The following NT5DC1 variants were observed in gnomAD, a reference collection of about 807,000 sequenced individuals.
NT5DC1 encodes 5'-nucleotidase domain-containing protein 1.
In NT5DC1, 42 loss-of-function variants were observed where a neutral mutation model predicts 59.4. The ratio of observed to expected loss-of-function variants is 0.71; its 90% CI spans 0.55 to 0.92. NT5DC1 has a LOEUF of 0.92. Ranked by LOEUF, NT5DC1 falls within the 40% of genes least tolerant of loss-of-function variation. The pLI is 0.00. For missense variants in NT5DC1, 501 were observed against 537.1 expected (o/e 0.93, Z 0.66); for synonymous variants, 172 against 188.1 (o/e 0.91, Z 0.70).
intron 6 of NT5DC1, chr6:116,121,146 C>T (rs759416107): frequency 6.2e-7 from 1 of 1,613,330 alleles, no homozygotes; most frequent in East Asian, 2.2e-5. Context: ...GGCCCTTGTT[C>T]CCCTTTGGCA....
At chr6:116,214,451 T>G (rs1222824047) in intron 6 of NT5DC1, among the ~76,000 whole-genome samples, 1 of 152,120 alleles carries the variant, frequency 6.6e-6, no homozygotes, top group Non-Finnish European at 1.5e-5. Context: ...GTGAGGACCA[T>G]GTTCTGCTAG....
At chr6:116,214,286 A>G (rs1056315099) in intron 6 of NT5DC1, among the ~76,000 whole-genome samples, 2 of 152,112 alleles carry the variant, frequency 1.3e-5, no homozygotes, top group Non-Finnish European at 2.9e-5. Flanking sequence ...CTTTATTCTC[A>G]TATATATCCT....
At chr6:116,239,342 A>T in intron 11 of NT5DC1, among the ~76,000 whole-genome samples, 1 of 152,150 alleles carries the variant, frequency 6.6e-6, no homozygotes, top group Admixed American at 6.5e-5. Context: ...TTGGAGGCAT[A>T]TTATAAAATT....
intron 1 of NT5DC1, among the ~76,000 whole-genome samples, chr6:116,101,357 C>T (rs769719912): frequency 6.6e-6 from 1 of 152,170 alleles, no homozygotes; most frequent in African/African-American, 2.4e-5. Context: ...CTAGGGCTGT[C>T]CTTGAAGATC....
chr6:116,194,869 G>C (rs1440776431), intron 6 of NT5DC1, among the ~76,000 whole-genome samples: 1 of 151,848 alleles, frequency 6.6e-6, no homozygotes, highest in Non-Finnish European at 1.5e-5. Flanking sequence ...TATTTTTATG[G>C]TTTACATTAT....
At chr6:116,151,230 C>T (rs1418257350) in intron 6 of NT5DC1, among the ~76,000 whole-genome samples, 1 of 152,162 alleles carries the variant, frequency 6.6e-6, no homozygotes, top group Non-Finnish European at 1.5e-5. Flanking sequence ...CTTCCAAACC[C>T]CCACATTTTA....
chr6:116,198,806 G>A (rs970101739), intron 6 of NT5DC1, among the ~76,000 whole-genome samples: 1 of 151,876 alleles, frequency 6.6e-6, no homozygotes, highest in Non-Finnish European at 1.5e-5. Context: ...ACCAAAGTGG[G>A]GACTTTTTCT....
At chr6:116,191,449 A>G (rs907134850) in intron 6 of NT5DC1, among the ~76,000 whole-genome samples, 4 of 152,110 alleles carry the variant, frequency 2.6e-5, no homozygotes, top group African/African-American at 9.6e-5. Flanking sequence ...AATGTTTTAC[A>G]GTGTAAGAGG....
chr6:116,127,823 C>T (rs1336639286), intron 6 of NT5DC1, among the ~76,000 whole-genome samples: 1 of 152,124 alleles, frequency 6.6e-6, no homozygotes, highest in Admixed American at 6.5e-5. Context: ...GTTCAGAAGA[C>T]TAATTCTCAG....
chr6:116,179,106 T>G (rs1780817118), intron 6 of NT5DC1, among the ~76,000 whole-genome samples: 1 of 152,220 alleles, frequency 6.6e-6, no homozygotes, highest in Non-Finnish European at 1.5e-5. Context: ...TAAGTAGAGA[T>G]ATTTAGCTTC....
intron 11 of NT5DC1, among the ~76,000 whole-genome samples, chr6:116,241,739 C>A (rs911039734): frequency 5.3e-5 from 8 of 151,510 alleles, no homozygotes; most frequent in African/African-American, 1.9e-4. Flanking sequence ...CTGGCTAACA[C>A]GGTGAAACCC....
At chr6:116,172,221 GTA>G (rs1780625067) in intron 6 of NT5DC1, among the ~76,000 whole-genome samples, 1 of 150,106 alleles carries the variant, frequency 6.7e-6, no homozygotes. Flanking sequence ...CTTTTACATA[GTA>G]TATAATAAGT....
rs572937757 is a variant in NT5DC1, at chr6:116,147,752, T to C, written c.529+29807T>C. Among the ~76,000 whole-genome samples, 6 of 152,304 alleles carry C rather than the reference T, an allele frequency of 3.9e-5. No homozygotes were observed. The East Asian group carries it at 1.2e-3, about 29-fold the overall frequency. ...TATCTCTAAGAATTTATATTACAGA[T>C]ACGGTTGCATGTGTGCAAATGATGT... On this transcript the variant is annotated intron_variant, in intron 6 of 11. Coordinates refer to ENST00000319550, the MANE Select transcript of NT5DC1 (RefSeq NM_152729.3).
intron 6 of NT5DC1, among the ~76,000 whole-genome samples, chr6:116,153,639 A>G (rs1489647081): frequency 6.6e-6 from 1 of 152,120 alleles, no homozygotes; most frequent in Non-Finnish European, 1.5e-5. Flanking sequence ...AGAAATAGAA[A>G]AGTTGCATAT....
At chr6:116,176,477 C>T (rs536355656) in intron 6 of NT5DC1, among the ~76,000 whole-genome samples, 1 of 152,292 alleles carries the variant, frequency 6.6e-6, no homozygotes, top group South Asian at 2.1e-4. Context: ...CTCCCTGTGA[C>T]AGTTGAATAC....
chr6:116,174,531 A>G (rs1042650658), intron 6 of NT5DC1, among the ~76,000 whole-genome samples: 4 of 152,236 alleles, frequency 2.6e-5, no homozygotes, highest in Non-Finnish European at 5.9e-5. Context: ...GCCAATGTTA[A>G]GTGAATAAAA....
chr6:116,179,443 A>G (rs1164928882), intron 6 of NT5DC1, among the ~76,000 whole-genome samples: 1 of 151,782 alleles, frequency 6.6e-6, no homozygotes, highest in African/African-American at 2.4e-5. Flanking sequence ...AAATCAGCAG[A>G]AAAAAAACAA....
rs936791083 is a variant in NT5DC1, at chr6:116,245,490, A to T, written c.*1466A>T. 2 of 152,502 alleles carry T rather than the reference A, an allele frequency of 1.3e-5. No homozygotes were observed. Among genetic ancestry groups the T allele is most frequent in the African/African-American group, 4.8e-5 (2 of 41,398 alleles). 9.4% of individuals were successfully genotyped at this position (152,502 alleles called of 1,614,324 possible). A position where few individuals can be genotyped will look rare whatever the true frequency, so the allele number is the denominator to read the frequency against. ...AAAACAAACAAAAAAAATCACTGAA[A>T]TTTTTCCCTCACAGTCAGTAGCTTT... On this transcript the variant is annotated 3_prime_UTR_variant, in exon 12 of 12. Coordinates refer to ENST00000319550, the MANE Select transcript of NT5DC1 (RefSeq NM_152729.3).
rs138879754 is a variant in NT5DC1, at chr6:116,177,277, C to G, written c.530-43777C>G. On this transcript the variant is annotated intron_variant, in intron 6 of 11. Transcript: ENST00000319550. ...GACTGTTTATAACATTCATGACATA[C>G]TTTTCAATTAACTGTGTTTTTATTC... 2.5e-4 allele frequency among the ~76,000 whole-genome samples: 38 copies of G among 152,242 alleles called. No individual in the cohort carries two copies. In the East Asian group the frequency reaches 7.3e-3, roughly 29 times the overall value.
Sources: allele counts gnomAD v4.1 joint callset (sites outside exome capture counted in the v4.1 genomes callset), GRCh38; gene constraint gnomAD v4.1.1; transcripts MANE v1.5; gene names NCBI Gene and HGNC (gene_info 2026-07-23, HGNC 2026-07-21).